The following ADGRL3 variants were observed in gnomAD, a reference collection of about 807,000 sequenced individuals.
The protein encoded by ADGRL3 is calcium-independent alpha-latrotoxin receptor 3.
Under a neutral mutation model 153.5 loss-of-function variants are expected in ADGRL3, and 62 were observed. That is an observed-to-expected ratio of 0.40 (90% CI 0.33 to 0.50). ADGRL3 has a LOEUF of 0.50. Ranked by LOEUF, ADGRL3 falls within the 20% of genes least tolerant of loss-of-function variation. ADGRL3 has a pLI of 0.47. For missense variants in ADGRL3, 1,641 were observed against 1,859.4 expected (o/e 0.88, Z 2.16); for synonymous variants, 710 against 672.5 (o/e 1.06, Z -0.86).
chr4:61,384,889 T>G (rs1315731214), intron 2 of ADGRL3, among the ~76,000 whole-genome samples: 2 of 152,092 alleles, frequency 1.3e-5, no homozygotes, highest in Non-Finnish European at 2.9e-5. Flanking sequence ...TGTTAGTGGT[T>G]GCCAGAGGGT....
At chr4:61,995,522 G>A (rs1440361510) in intron 19 of ADGRL3, among the ~76,000 whole-genome samples, 2 of 152,018 alleles carry the variant, frequency 1.3e-5, no homozygotes, top group African/African-American at 4.8e-5. Context: ...AATAATTCAA[G>A]ATATTATTTT....
chr4:61,267,620 C>G (rs1428595095), intron 1 of ADGRL3, among the ~76,000 whole-genome samples: 2 of 151,580 alleles, frequency 1.3e-5, no homozygotes, highest in African/African-American at 2.4e-5. Context: ...ATAGGGATGG[C>G]TGCCCCTTTT....
intron 1 of ADGRL3, among the ~76,000 whole-genome samples, chr4:61,293,099 T>C (rs2094285382): frequency 6.6e-6 from 1 of 152,124 alleles, no homozygotes; most frequent in South Asian, 2.1e-4. Flanking sequence ...CAGGGAGCAG[T>C]GTTGGTGAAC....
At chr4:61,928,076 G>A (rs528135383) in intron 13 of ADGRL3, among the ~76,000 whole-genome samples, 119 of 151,232 alleles carry the variant, frequency 7.9e-4, no homozygotes, top group African/African-American at 2.3e-3. Flanking sequence ...ATTATTCAGC[G>A]TGATTATGGC....
At chr4:62,038,308 G>A (rs1726222731) in intron 24 of ADGRL3, among the ~76,000 whole-genome samples, 1 of 152,082 alleles carries the variant, frequency 6.6e-6, no homozygotes, top group African/African-American at 2.4e-5. Flanking sequence ...ATTATGTGCT[G>A]AGAAGTTGAA....
At chr4:61,907,318 G>T (rs982128729) in intron 11 of ADGRL3, among the ~76,000 whole-genome samples, 5 of 152,000 alleles carry the variant, frequency 3.3e-5, no homozygotes, top group African/African-American at 1.2e-4. Context: ...GAGTGCAGTG[G>T]TGCGATCTCA....
chr4:61,352,647 A>G (rs1387870942), intron 1 of ADGRL3, among the ~76,000 whole-genome samples: 1 of 152,062 alleles, frequency 6.6e-6, no homozygotes, highest in Non-Finnish European at 1.5e-5. Context: ...GGCCTCCCAA[A>G]GTGCTGGGAT....
At position 62,071,695 on chromosome 4, in the gene ADGRL3, A is replaced by G. The variant is rs1306515059; in HGVS notation, c.*787A>G. On this transcript the variant is annotated 3_prime_UTR_variant, in exon 27 of 27. Coordinates refer to ENST00000683033, the MANE Select transcript of ADGRL3 (RefSeq NM_001387552.1). ...TGCTGGTCTTGCAAGTTTGTCTACCAGTAAGAGAGCAAAGTTTCCTTCCTT... is the reference window on the plus strand; with the variant it reads ...TGCTGGTCTTGCAAGTTTGTCTACCGGTAAGAGAGCAAAGTTTCCTTCCTT... 4.7e-6 allele frequency: 2 copies of G among 425,798 alleles called. No individual in the cohort carries two copies. Among genetic ancestry groups the G allele is most frequent in the South Asian group, 3.5e-5 (2 of 56,932 alleles). 26.4% of individuals were successfully genotyped at this position (425,798 alleles called of 1,614,324 possible). A position where few individuals can be genotyped will look rare whatever the true frequency, so the allele number is the denominator to read the frequency against.
intron 17 of ADGRL3, 68 bp downstream of exon 17, chr4:61,948,344 A>G: frequency 8.6e-7 from 1 of 1,165,202 alleles, no homozygotes; most frequent in Non-Finnish European, 1.2e-6. Flanking sequence ...AAATAGTCCT[A>G]ACTATATGGG....
At chr4:61,461,061 C>T (rs1156636970) in intron 2 of ADGRL3, among the ~76,000 whole-genome samples, 1 of 152,050 alleles carries the variant, frequency 6.6e-6, no homozygotes, top group Non-Finnish European at 1.5e-5. Context: ...CAGAGTGAGA[C>T]TACATCAAAA....
In ADGRL3 at chr4:61,534,284, T is replaced by A. The variant is rs560709681; in HGVS notation, c.259+16766T>A. Among the ~76,000 whole-genome samples, 6 of 152,304 alleles carry A rather than the reference T, an allele frequency of 3.9e-5. 1 individual carries two copies. Among genetic ancestry groups the A allele is most frequent in the African/African-American group, 1.4e-4 (6 of 41,574 alleles). ...TGTGTGGCTTTATTTTTCGTTCTAT[T>A]CTGTTCCACTGGCCTATGTATCTAC... On this transcript the variant is annotated intron_variant, in intron 4 of 26. Transcript: ENST00000683033.
chr4:61,890,969 G>T (rs894847200), intron 9 of ADGRL3, among the ~76,000 whole-genome samples: 1 of 151,040 alleles, frequency 6.6e-6, no homozygotes, highest in Admixed American at 6.6e-5. Context: ...ATATATTAGA[G>T]ACATTTTTAT....
intron 8 of ADGRL3, among the ~76,000 whole-genome samples, chr4:61,758,901 C>A (rs894862974): frequency 6.6e-6 from 1 of 152,150 alleles, no homozygotes; most frequent in Non-Finnish European, 1.5e-5. Context: ...TCAGCATTTG[C>A]TAGTCTGTAA....
At chr4:61,744,154 T>TG (rs2096621312) in intron 8 of ADGRL3, among the ~76,000 whole-genome samples, 1 of 152,052 alleles carries the variant, frequency 6.6e-6, no homozygotes. Flanking sequence ...GCAGCGAGGC[T>TG]GGGGGAGGGG....
chr4:61,387,113 G>T (rs1049070281), intron 2 of ADGRL3, among the ~76,000 whole-genome samples: 2 of 152,090 alleles, frequency 1.3e-5, no homozygotes, highest in African/African-American at 4.8e-5. Flanking sequence ...GGGCATCTGG[G>T]GGAGACATCA....
At chr4:61,350,050 T>C (rs1237363997) in intron 1 of ADGRL3, among the ~76,000 whole-genome samples, 2 of 152,340 alleles carry the variant, frequency 1.3e-5, no homozygotes, top group East Asian at 3.9e-4. Context: ...ATTTGAAAGT[T>C]CATTAATTTC....
intron 1 of ADGRL3, among the ~76,000 whole-genome samples, chr4:61,227,700 T>C (rs1411506359): frequency 6.6e-6 from 1 of 152,202 alleles, no homozygotes; most frequent in Non-Finnish European, 1.5e-5. Flanking sequence ...CATTCATGGA[T>C]CCATCTTTTA....
intron 1 of ADGRL3, among the ~76,000 whole-genome samples, chr4:61,315,454 C>T (rs1261986866): frequency 6.6e-6 from 1 of 152,122 alleles, no homozygotes; most frequent in Non-Finnish European, 1.5e-5. Context: ...GGTGGTGAGG[C>T]TCAGGATGTT....
intron 5 of ADGRL3, among the ~76,000 whole-genome samples, chr4:61,633,004 A>G (rs1217797397): frequency 3.3e-5 from 5 of 152,220 alleles, no homozygotes; most frequent in African/African-American, 1.2e-4. Context: ...ATTTTCAAAT[A>G]TACCTTCATG....
Sources: allele counts gnomAD v4.1 joint callset (sites outside exome capture counted in the v4.1 genomes callset), GRCh38; gene constraint gnomAD v4.1.1; transcripts MANE v1.5; gene names NCBI Gene and HGNC (gene_info 2026-07-23, HGNC 2026-07-21).